The following MARCHF1 variants were observed in gnomAD, a reference collection of about 807,000 sequenced individuals.
The protein encoded by MARCHF1 is E3 ubiquitin-protein ligase MARCHF1.
MARCHF1 carries 40 observed loss-of-function variants against 54.2 expected under a neutral mutation model. The observed-to-expected ratio is 0.74, with a 90% CI of 0.57 to 0.96. MARCHF1 has a LOEUF of 0.96. Ranked by LOEUF, MARCHF1 falls within the 40% of genes least tolerant of loss-of-function variation. The pLI, the probability that MARCHF1 is intolerant of heterozygous loss-of-function variation, is 0.00. For missense variants in MARCHF1, 586 were observed against 656.5 expected (o/e 0.89, Z 1.17); for synonymous variants, 236 against 236.3 (o/e 1.00, Z 0.01).
intron 8 of MARCHF1, among the ~76,000 whole-genome samples, chr4:163,568,414 A>G (rs1231345776): frequency 2.6e-5 from 4 of 152,170 alleles, no homozygotes; most frequent in Non-Finnish European, 4.4e-5. Context: ...AAGTCACTTG[A>G]TAAGTGCCTT....
At chr4:164,247,909 G>C (rs954495200) in intron 1 of MARCHF1, among the ~76,000 whole-genome samples, 1 of 150,816 alleles carries the variant, frequency 6.6e-6, no homozygotes, top group African/African-American at 2.4e-5. Flanking sequence ...CAAGGAATTG[G>C]TCAAGTTGCA....
At chr4:163,909,836 C>CT (rs1751151093) in intron 3 of MARCHF1, among the ~76,000 whole-genome samples, 1 of 152,116 alleles carries the variant, frequency 6.6e-6, no homozygotes, top group Non-Finnish European at 1.5e-5. Flanking sequence ...AGACAGATAT[C>CT]TGAGAGTTTG....
intron 7 of MARCHF1, among the ~76,000 whole-genome samples, chr4:163,592,156 G>A (rs368067320): frequency 1.1e-4 from 16 of 152,028 alleles, no homozygotes; most frequent in African/African-American, 3.9e-4. Context: ...CATGACATAA[G>A]AATAAAAATA....
chr4:163,992,995 G>A (rs542135574), intron 2 of MARCHF1, among the ~76,000 whole-genome samples: 7 of 151,936 alleles, frequency 4.6e-5, no homozygotes, highest in East Asian at 1.9e-4. Context: ...AATGGCCACC[G>A]TCAAAGATTA....
At chr4:163,983,655 T>C (rs575971424) in intron 3 of MARCHF1, among the ~76,000 whole-genome samples, 3 of 152,314 alleles carry the variant, frequency 2.0e-5, no homozygotes, top group South Asian at 4.1e-4. Flanking sequence ...TGGTAGTCAA[T>C]GGCCTGCATT....
chr4:164,269,006 C>T (rs945906783), intron 1 of MARCHF1, among the ~76,000 whole-genome samples: 10 of 152,114 alleles, frequency 6.6e-5, no homozygotes, highest in South Asian at 2.1e-4. Flanking sequence ...AATTTCCTAA[C>T]AATTTTGGGG....
intron 1 of MARCHF1, among the ~76,000 whole-genome samples, chr4:164,141,943 G>GGTCAGTGGGA (rs1756548855): frequency 1.3e-5 from 2 of 152,280 alleles, no homozygotes; most frequent in South Asian, 4.1e-4. Flanking sequence ...CCAGACAGTG[G>GGTCAGTGGGA]GCGCAGGTCA....
intron 8 of MARCHF1, among the ~76,000 whole-genome samples, chr4:163,567,825 T>C (rs1022171844): frequency 1.3e-5 from 2 of 152,152 alleles, no homozygotes; most frequent in Admixed American, 6.5e-5. Context: ...CTTGATTTTT[T>C]TTTTATTTTT....
chr4:163,983,350 T>G (rs530174507), intron 3 of MARCHF1, among the ~76,000 whole-genome samples: 1 of 152,336 alleles, frequency 6.6e-6, no homozygotes, highest in East Asian at 1.9e-4. Flanking sequence ...ATTTCAAATA[T>G]TCTGAATTTT....
At chr4:163,996,696 C>T (rs12650806) in intron 2 of MARCHF1, among the ~76,000 whole-genome samples, 9,426 of 152,050 alleles carry the variant, frequency 0.062, 646 homozygotes, top group East Asian at 0.33. Context: ...ATTAGGTCTA[C>T]ATATATCTAT....
chr4:163,847,342 T>G (rs1175736957), intron 4 of MARCHF1, among the ~76,000 whole-genome samples: 3 of 152,176 alleles, frequency 2.0e-5, no homozygotes, highest in Non-Finnish European at 4.4e-5. Flanking sequence ...ATACTTAGGC[T>G]GTGTAAGAAG....
At position 163,672,715 on chromosome 4, in the gene MARCHF1, A is replaced by T. The variant is rs548225508; in HGVS notation, c.162+28098T>A. Among the ~76,000 whole-genome samples the T allele has an allele frequency of 1.2e-3, 188 of 152,292 alleles. 1 individual carries two copies. The highest frequency in any genetic ancestry group is 4.4e-3 in the African/African-American group (183 of 41,558). ...AACATAGTGGCTTACAACAACAGACATTTATCACCTCAAAATTCTGGAAGT... is the reference window on the plus strand; with the variant it reads ...AACATAGTGGCTTACAACAACAGACTTTTATCACCTCAAAATTCTGGAAGT... On this transcript the variant is annotated intron_variant, in intron 5 of 9. Transcript: ENST00000514618.
At chr4:163,954,366 A>G (rs1310374351) in intron 3 of MARCHF1, among the ~76,000 whole-genome samples, 2 of 152,170 alleles carry the variant, frequency 1.3e-5, no homozygotes, top group African/African-American at 4.8e-5. Context: ...TGGATGATTA[A>G]TATAGCAAAT....
chr4:163,671,823 C>T (rs964537536), intron 5 of MARCHF1, among the ~76,000 whole-genome samples: 7 of 151,586 alleles, frequency 4.6e-5, no homozygotes, highest in East Asian at 1.9e-4. Flanking sequence ...GTTTGAAAGG[C>T]GAAAGGTACT....
At chr4:164,017,757 C>A (rs370987779) in intron 2 of MARCHF1, among the ~76,000 whole-genome samples, 1 of 145,818 alleles carries the variant, frequency 6.9e-6, no homozygotes, top group African/African-American at 2.5e-5. Flanking sequence ...CAGTAACAAG[C>A]AAAGTCTTAG....
chr4:164,357,187 G>T (rs1234045223), intron 1 of MARCHF1, among the ~76,000 whole-genome samples: 3 of 151,940 alleles, frequency 2.0e-5, no homozygotes, highest in South Asian at 2.1e-4. Context: ...CAATTCTAGG[G>T]GTTCAGAAGT....
At chr4:163,826,886 G>A (rs1008967932) in intron 4 of MARCHF1, among the ~76,000 whole-genome samples, 8 of 151,980 alleles carry the variant, frequency 5.3e-5, no homozygotes, top group Admixed American at 2.0e-4. Context: ...AGGCACAACA[G>A]AGAAATAATA....
At chr4:163,843,790 T>G (rs536265431) in intron 4 of MARCHF1, among the ~76,000 whole-genome samples, 1 of 152,128 alleles carries the variant, frequency 6.6e-6, no homozygotes, top group East Asian at 1.9e-4. Context: ...AATATCTATT[T>G]TTTTTTTAAC....
chr4:163,792,908 G>A (rs1747809325), intron 4 of MARCHF1, among the ~76,000 whole-genome samples: 1 of 152,192 alleles, frequency 6.6e-6, no homozygotes, highest in African/African-American at 2.4e-5. Flanking sequence ...AATAGACCCA[G>A]GCTCTATTGC....
Sources: allele counts gnomAD v4.1 joint callset (sites outside exome capture counted in the v4.1 genomes callset), GRCh38; gene constraint gnomAD v4.1.1; transcripts MANE v1.5; gene names NCBI Gene and HGNC (gene_info 2026-07-23, HGNC 2026-07-21).